Variants in EVL observed in about 807,000 individuals in gnomAD.
EVL encodes the protein ena/VASP-like protein.
Under a neutral mutation model 59.6 loss-of-function variants are expected in EVL, and 21 were observed. The ratio of observed to expected loss-of-function variants is 0.35; its 90% confidence interval spans 0.25 to 0.51. The LOEUF (loss-of-function observed/expected upper bound fraction) is 0.51, where lower values mean the gene tolerates loss of function less well. Among genes scored for constraint, EVL ranks in the 20% least tolerant of loss-of-function variants. The pLI is 0.97. For synonymous variants in EVL, 198 were observed against 203.5 expected (o/e 0.97, Z 0.23); for missense variants, 462 against 546.6 (o/e 0.85, Z 1.54).
intron 1 of EVL, among the ~76,000 whole-genome samples, chr14:100,036,135 C>T (rs2061385071): frequency 6.6e-6 from 1 of 152,140 alleles, no homozygotes; most frequent in African/African-American, 2.4e-5. Context: ...GACCAGAAAC[C>T]CTACTGTGAA....
rs1229482683 is a variant in EVL, at chr14:100,013,971, T to C, written c.5+41914T>C. 3.3e-5 allele frequency among the ~76,000 whole-genome samples: 5 copies of C among 152,232 alleles called. No individual in the cohort carries two copies. The East Asian group carries it at 9.6e-4, about 29-fold the overall frequency. ...TAGGCAGATATGTGTAATAACTAAT[T>C]ACAAATGGGACAAATGGGGTATCCA... On this transcript the variant is annotated intron_variant, in intron 1 of 13. Coordinates refer to the EVL transcript ENST00000402714.
chr14:100,009,233 C>T (rs957689758), intron 1 of EVL, among the ~76,000 whole-genome samples: 1 of 152,210 alleles, frequency 6.6e-6, no homozygotes, highest in Non-Finnish European at 1.5e-5. Context: ...ACCTTAGGCT[C>T]TGAAAACATG....
At chr14:100,116,195 A>AAAGGTG (rs1887334222) in intron 3 of EVL, among the ~76,000 whole-genome samples, 1 of 152,224 alleles carries the variant, frequency 6.6e-6, no homozygotes, top group Non-Finnish European at 1.5e-5. Flanking sequence ...TGTGCCGGGG[A>AAAGGTG]TGGCCCAGTC....
rs776256447 is a variant in EVL at position 100,109,645 on chromosome 14, G to A, written c.358+11987G>A. On this transcript the variant is annotated intron_variant, in intron 3 of 13. Coordinates refer to ENST00000392920, the MANE Select transcript of EVL (RefSeq NM_016337.3). The surrounding 1 kb of genome is among the most constrained non-coding windows in gnomAD (Gnocchi z 4.3). Reference sequence around the variant, plus strand: ...GTTCCTGAACCAAGACCGCTTGCTGGCCAACCTGTGAAACTGGGCTCAAGG... The same window carrying A: ...GTTCCTGAACCAAGACCGCTTGCTGACCAACCTGTGAAACTGGGCTCAAGG... 1.9e-6 allele frequency: 1 copy of A among 528,654 alleles called. No homozygotes were observed. Among genetic ancestry groups the A allele is most frequent in the Non-Finnish European group, 3.9e-6 (1 of 256,986 alleles). The allele number at this position is 528,654 out of a possible 1,614,324, so 32.7% of individuals were successfully genotyped here.
intron 1 of EVL, among the ~76,000 whole-genome samples, chr14:100,043,008 C>A (rs1184287204): frequency 6.6e-6 from 1 of 152,114 alleles, no homozygotes; most frequent in Non-Finnish European, 1.5e-5. Context: ...TTAAATTTTT[C>A]CTTCTGAAAA....
intron 1 of EVL, among the ~76,000 whole-genome samples, chr14:99,987,452 G>A (rs1232415629): frequency 6.6e-6 from 1 of 152,110 alleles, no homozygotes; most frequent in Non-Finnish European, 1.5e-5. Context: ...GACCAGCCTG[G>A]CCAACATGGC....
intron 3 of EVL, among the ~76,000 whole-genome samples, chr14:100,116,669 G>A (rs1030754200): frequency 3.3e-5 from 5 of 152,206 alleles, no homozygotes; most frequent in East Asian, 1.9e-4. Flanking sequence ...CATACCTCGC[G>A]GAGGATGGAT....
intron 1 of EVL, among the ~76,000 whole-genome samples, chr14:100,003,746 T>C (rs1327849960): frequency 6.6e-6 from 1 of 152,220 alleles, no homozygotes; most frequent in African/African-American, 2.4e-5. Flanking sequence ...AAAAATTTTT[T>C]TTAATCTCAG....
At chr14:100,117,782 G>A (rs1887443670) in intron 3 of EVL, among the ~76,000 whole-genome samples, 1 of 152,122 alleles carries the variant, frequency 6.6e-6, no homozygotes, top group Non-Finnish European at 1.5e-5. Context: ...GTGGCCTATG[G>A]TGTGTCACTC....
At chr14:100,032,303 A>G (rs2061325987) in intron 1 of EVL, among the ~76,000 whole-genome samples, 1 of 152,220 alleles carries the variant, frequency 6.6e-6, no homozygotes, top group African/African-American at 2.4e-5. Context: ...CCTAAGGAAG[A>G]GAAGGTTGAC....
chr14:100,084,022 A>G (rs1166975127), intron 1 of EVL, among the ~76,000 whole-genome samples: 1 of 150,302 alleles, frequency 6.7e-6, no homozygotes, highest in Non-Finnish European at 1.5e-5. Flanking sequence ...TGAAGCTTAG[A>G]TGCTTTAATA....
intron 1 of EVL, 61 bp downstream of exon 1, chr14:100,065,572 C>T (rs138922784): frequency 9.9e-4 from 1,033 of 1,038,252 alleles, no homozygotes; most frequent in Non-Finnish European, 1.3e-3. Context: ...AGAATCTTAA[C>T]GGTGAATGGG....
At chr14:99,999,984 CTGTGTTACCTGGCATTTT>C (rs1425160909) in intron 1 of EVL, among the ~76,000 whole-genome samples, 1 of 152,208 alleles carries the variant, frequency 6.6e-6, no homozygotes, top group Non-Finnish European at 1.5e-5. Flanking sequence ...GCTTGCTTAA[CTGTGTTACCTGGCATTTT>C]TGGTTATTTC....
intron 1 of EVL, among the ~76,000 whole-genome samples, chr14:99,983,730 C>A (rs1446611400): frequency 6.6e-6 from 1 of 152,190 alleles, no homozygotes; most frequent in Non-Finnish European, 1.5e-5. Context: ...GCAAGTTGAT[C>A]TCAGTCTAGC....
At chr14:100,101,909 G>A (rs573497883) in intron 3 of EVL, among the ~76,000 whole-genome samples, 72 of 152,250 alleles carry the variant, frequency 4.7e-4, no homozygotes, top group African/African-American at 1.7e-3. Context: ...CACTATCTCG[G>A]CTTATTGCAA....
chr14:100,021,376 G>A (rs1043343524), intron 1 of EVL, among the ~76,000 whole-genome samples: 2 of 152,246 alleles, frequency 1.3e-5, no homozygotes, highest in African/African-American at 4.8e-5. Context: ...AAAGGGGAGG[G>A]CTGTTACCTC....
chr14:100,123,572 C>A lies in EVL; in HGVS notation c.392C>A (p.Pro131His). The change falls in exon 4 of 14, where the codon CCC (proline) becomes CAC (histidine). Residue 131 changes from proline to histidine, a missense_variant. By Grantham distance (77) the Pro-to-His change is moderately conservative. Transcript: ENST00000392920. ...PSSQRQVQNGPSPDEMDIQRR... is the reference protein window; with the variant it reads ...PSSQRQVQNGHSPDEMDIQRR... ...AGCCAGCGTCAGGTGCAGAATGGCC[C>A]CTCTCCTGATGAGATGGACATCCAG... 4 of 1,614,140 alleles carry A rather than the reference C, an allele frequency of 2.5e-6. No homozygotes were observed. The highest frequency in any genetic ancestry group is 3.4e-6 in the Non-Finnish European group (4 of 1,180,000).
intron 1 of EVL, among the ~76,000 whole-genome samples, chr14:100,055,066 G>T (rs538598877): frequency 9.2e-5 from 14 of 152,096 alleles, no homozygotes; most frequent in Non-Finnish European, 1.8e-4. Flanking sequence ...GGGCATTGTG[G>T]TGCATGCCTG....
chr14:99,983,081 A>G lies in EVL; in HGVS notation c.5+11024A>G, dbSNP rs148838114. Among the ~76,000 whole-genome samples the G allele has an allele frequency of 2.6e-5, 4 of 152,228 alleles. No homozygotes were observed. In the East Asian group the frequency reaches 7.7e-4, roughly 29 times the overall value. Reference sequence around the variant, plus strand: ...CCTCACCACCCTGTATTTATTTTCTAGGGTTTATCTTCCATGAGGATATGG... The same window carrying G: ...CCTCACCACCCTGTATTTATTTTCTGGGGTTTATCTTCCATGAGGATATGG... On this transcript the variant is annotated intron_variant, in intron 1 of 13. Transcript: ENST00000402714.
Sources: allele counts gnomAD v4.1 joint callset (sites outside exome capture counted in the v4.1 genomes callset), GRCh38; gene constraint gnomAD v4.1.1; non-coding constraint Gnocchi (gnomAD v3.1); transcripts MANE v1.5; gene names NCBI Gene and HGNC (gene_info 2026-07-23, HGNC 2026-07-21).